SP140: variants seen among roughly 807,000 people sequenced by gnomAD.
The protein encoded by SP140 is nuclear body protein SP140.
In SP140, 81 loss-of-function variants were observed where a neutral mutation model predicts 125.0. The observed-to-expected ratio is 0.65, with a 90% CI of 0.54 to 0.78. The LOEUF (loss-of-function observed/expected upper bound fraction) is 0.78. SP140 is among the 30% of genes least tolerant of loss of function. The probability of loss-of-function intolerance (pLI) is 0.00; values close to 1 mark genes in which losing one functional copy is unlikely to be tolerated. For synonymous variants in SP140, 312 were observed against 354.0 expected, an observed-to-expected ratio of 0.88 and a Z score of 1.33; for missense variants, 858 against 1,037.0, an observed-to-expected ratio of 0.83 and a Z score of 2.37.
chr2:230,307,990 T>TATACACAC (rs869070046), intron 22 of SP140, among the ~76,000 whole-genome samples: 1 of 52,638 alleles, frequency 1.9e-5, no homozygotes, highest in African/African-American at 7.6e-5. Context: ...TATATATATA[T>TATACACAC]ACACACACAC....
At chr2:230,234,469 G>T (rs1350619922) in intron 1 of SP140, among the ~76,000 whole-genome samples, 3 of 152,212 alleles carry the variant, frequency 2.0e-5, no homozygotes, top group African/African-American at 4.8e-5. Flanking sequence ...GTCTATCTAA[G>T]TATTGATTCT....
In SP140 at chr2:230,269,939, C is replaced by A. The variant is rs201286206; in HGVS notation, c.1430C>A (p.Ala477Glu). Residue 477 changes from alanine to glutamate, a missense_variant, in exon 14 of 27, where the codon GCG becomes GAG. By Grantham distance (107) the Ala-to-Glu change is moderately radical (BLOSUM62 -1). Around this residue, in one of 4 missense-constraint regions of SP140, gnomAD observed 791 missense variants for 869.5 expected, o/e 0.91. Transcript: ENST00000392045. ...SPEARTESDQ[A>E]CGTMDTVDIA... ...GAAGCAAGGACGGAAAGTGATCAAG[C>A]GTGTGGCACAATGGGTAAGGCTGTC... 5 of 1,612,872 alleles carry A rather than the reference C, an allele frequency of 3.1e-6. No individual in the cohort carries two copies. Among genetic ancestry groups the A allele is most frequent in the South Asian group, 2.2e-5 (2 of 91,048 alleles).
At chr2:230,255,622 T>G (rs1020721237) in intron 12 of SP140, 90 bp downstream of exon 12, 12 of 1,102,180 alleles carry the variant, frequency 1.1e-5, no homozygotes, top group Admixed American at 1.8e-5. Context: ...GACTTTCCTC[T>G]GCATATACCT....
chr2:230,265,794 G>GT (rs112308112), intron 12 of SP140, among the ~76,000 whole-genome samples: 27,080 of 151,836 alleles, frequency 0.18, 2,706 homozygotes, highest in South Asian at 0.24. Flanking sequence ...GTTTTACGGG[G>GT]GGGGGCGGTC....
At chr2:230,289,998 C>T (rs2056932076) in intron 18 of SP140, among the ~76,000 whole-genome samples, 1 of 152,162 alleles carries the variant, frequency 6.6e-6, no homozygotes. Context: ...AGAAGGCAGA[C>T]ATCATCTCCA....
intron 15 of SP140, among the ~76,000 whole-genome samples, chr2:230,282,929 G>T (rs990858350): frequency 6.6e-6 from 1 of 152,206 alleles, no homozygotes; most frequent in Non-Finnish European, 1.5e-5. Flanking sequence ...TGATTTGTTT[G>T]TGTGTGGCTG....
At chr2:230,219,036 C>A (rs1424104303) in intron 3 of SP140, among the ~76,000 whole-genome samples, 1 of 152,106 alleles carries the variant, frequency 6.6e-6, no homozygotes, top group Non-Finnish European at 1.5e-5. Context: ...ACCAGCCTGG[C>A]CAACATGGTG....
At chr2:230,217,624 T>C (rs1285509169) in intron 3 of SP140, among the ~76,000 whole-genome samples, 1 of 152,208 alleles carries the variant, frequency 6.6e-6, no homozygotes, top group African/African-American at 2.4e-5. Flanking sequence ...TGCACCTGTT[T>C]ATACTGTTGA....
Position 230,211,228 on chromosome 2 carries a change from G to A in SP140, c.-322-2426G>A, listed in dbSNP as rs1422798577. ...TGGGGCTCTGTCCATCATCATCCGTGGCCCTATCCAAGTCTACCTTTTCCA... is the reference window on the plus strand; with the variant it reads ...TGGGGCTCTGTCCATCATCATCCGTAGCCCTATCCAAGTCTACCTTTTCCA... On this transcript the variant is annotated intron_variant, in intron 1 of 4. Transcript: ENST00000456542. The surrounding 1 kb of genome is among the most constrained non-coding windows in gnomAD (Gnocchi z 4.2). Among the ~76,000 whole-genome samples the A allele has an allele frequency of 6.6e-6, 1 of 152,036 alleles. No individual in the cohort carries two copies. Among genetic ancestry groups the A allele is most frequent in the African/African-American group, 2.4e-5 (1 of 41,386 alleles).
intron 12 of SP140, among the ~76,000 whole-genome samples, chr2:230,265,736 G>A (rs1231624260): frequency 2.6e-5 from 4 of 152,032 alleles, no homozygotes; most frequent in Non-Finnish European, 4.4e-5. Context: ...GTGTGTGTTC[G>A]GGAGAGGAGG....
At chr2:230,250,714 A>ACT (rs1207449283) in intron 9 of SP140, among the ~76,000 whole-genome samples, 30 of 152,192 alleles carry the variant, frequency 2.0e-4, no homozygotes, top group African/African-American at 6.5e-4. Flanking sequence ...CAAAGGCAGA[A>ACT]GAAATGTGCC....
intron 6 of SP140, 145 bp from the exon 7 acceptor site, chr2:230,245,718 A>C: frequency 1.6e-6 from 1 of 610,032 alleles, no homozygotes; most frequent in Admixed American, 2.9e-5. Context: ...AGGTGCTAGA[A>C]GAAGTAGAGC....
chr2:230,270,723 T>A (rs1244264553), intron 15 of SP140, 84 bp downstream of exon 15: 1 of 1,288,066 alleles, frequency 7.8e-7, no homozygotes, highest in African/African-American at 1.5e-5. Context: ...ATTGTTACTA[T>A]TTCTGTTATT....
At chr2:230,233,061 A>G (rs993272321) in intron 1 of SP140, among the ~76,000 whole-genome samples, 1 of 152,082 alleles carries the variant, frequency 6.6e-6, no homozygotes, top group African/African-American at 2.4e-5. Flanking sequence ...TCTGTTTTAA[A>G]TATCTTGTTG....
chr2:230,247,034 T>C (rs1292433223), intron 7 of SP140, among the ~76,000 whole-genome samples: 1 of 151,862 alleles, frequency 6.6e-6, no homozygotes, highest in African/African-American at 2.4e-5. Context: ...TAGCAGCGAG[T>C]TTTCACATTA....
chr2:230,192,294 G>T, the SP140 span, among the ~76,000 whole-genome samples: 2 of 151,920 alleles, frequency 1.3e-5, no homozygotes, highest in Non-Finnish European at 2.9e-5. Context: ...GCACAATCAG[G>T]CAAGAGAAAG....
At chr2:230,212,954 T>C in intron 1 of SP140, 1 of 1,614,004 alleles carries the variant, frequency 6.2e-7, no homozygotes, top group Non-Finnish European at 8.5e-7. Flanking sequence ...GGAGGGAGCT[T>C]CCTTCTGCTA....
At chr2:230,223,632 A>G (rs2045995419), upstream of SP140, among the ~76,000 whole-genome samples, 1 of 152,184 alleles carries the variant, frequency 6.6e-6, no homozygotes, top group South Asian at 2.1e-4. Flanking sequence ...TCAATCTGGG[A>G]TTGGTTATCT....
At chr2:230,290,408 G>T (rs1439703241) in intron 18 of SP140, 52 bp from the exon 19 acceptor site, 9 of 1,515,760 alleles carry the variant, frequency 5.9e-6, no homozygotes, top group Non-Finnish European at 8.2e-6. Flanking sequence ...CAGTAGGGAG[G>T]GGGGACGTGC....
Sources: gnomAD v4.1 joint callset for allele counts (sites outside exome capture counted in the v4.1 genomes callset) on GRCh38, gnomAD v4.1.1 for gene constraint, gnomAD v4.1.1 regional missense constraint, Gnocchi (gnomAD v3.1) non-coding constraint, MANE v1.5 for transcripts, NCBI Gene and HGNC (gene_info 2026-07-23, HGNC 2026-07-21) for gene names.